Variants in TPRG1 observed in about 807,000 individuals in gnomAD.
TPRG1 encodes the protein tumor protein p63-regulated gene 1 protein.
TPRG1 carries 29 observed loss-of-function variants against 29.3 expected under a neutral mutation model. The observed-to-expected ratio is 0.99, with a 90% CI of 0.74 to 1.35. TPRG1 has a LOEUF of 1.35. Among genes scored for constraint, TPRG1 ranks in the 40% most tolerant of loss-of-function variants. TPRG1 has a pLI of 0.00. For synonymous variants in TPRG1, 130 were observed against 116.8 expected (o/e 1.11, Z -0.73); for missense variants, 327 against 335.0 (o/e 0.98, Z 0.19).
intron 4 of TPRG1, among the ~76,000 whole-genome samples, chr3:189,262,243 T>TAA (rs1299289500): frequency 5.3e-5 from 8 of 151,632 alleles, no homozygotes; most frequent in Non-Finnish European, 8.8e-5. Flanking sequence ...AGTATAAGTA[T>TAA]AAGTATAAGT....
At chr3:189,027,995 G>A (rs1377238091) in intron 4 of TPRG1, among the ~76,000 whole-genome samples, 1 of 151,962 alleles carries the variant, frequency 6.6e-6, no homozygotes, top group African/African-American at 2.4e-5. Context: ...CTTACAGTGT[G>A]CCATGTCCTA....
At chr3:189,004,372 GT>G (rs1296612027) in intron 2 of TPRG1, among the ~76,000 whole-genome samples, 1 of 152,128 alleles carries the variant, frequency 6.6e-6, no homozygotes, top group Non-Finnish European at 1.5e-5. Flanking sequence ...TTTCTAGTGT[GT>G]AGTTTTGAAA....
At chr3:189,316,131 A>T (rs1428654054) in intron 5 of TPRG1, among the ~76,000 whole-genome samples, 2 of 152,184 alleles carry the variant, frequency 1.3e-5, no homozygotes, top group Non-Finnish European at 2.9e-5. Context: ...ATATGTGCAT[A>T]TGTTCAGAGA....
At chr3:189,269,042 C>T (rs1444996674) in intron 4 of TPRG1, among the ~76,000 whole-genome samples, 3 of 151,774 alleles carry the variant, frequency 2.0e-5, no homozygotes, top group African/African-American at 7.3e-5. Context: ...AAATTTCTAA[C>T]TCTTTGGGCA....
chr3:189,301,159 C>T lies in TPRG1; in HGVS notation c.480-9227C>T, dbSNP rs531885469. ...AAAAATACAAAAAAAATTAGCCAGA[C>T]GTGGTGTCACACGCCTGTAGTCCCA... On this transcript the variant is annotated intron_variant, in intron 4 of 5. Coordinates refer to ENST00000345063, the MANE Select transcript of TPRG1 (RefSeq NM_198485.4). Among the ~76,000 whole-genome samples the T allele has an allele frequency of 2.6e-3, 400 of 151,826 alleles. 5 individuals carry two copies. The highest frequency in any genetic ancestry group is 2.5e-3 in the Non-Finnish European group (168 of 67,918).
intron 1 of TPRG1, among the ~76,000 whole-genome samples, chr3:189,124,931 A>G (rs969272427): frequency 6.6e-6 from 1 of 151,706 alleles, no homozygotes; most frequent in African/African-American, 2.4e-5. Flanking sequence ...TTGAAAGTTA[A>G]ATAAACTTTT....
At chr3:189,109,022 C>CA (rs1720162334) in intron 1 of TPRG1, among the ~76,000 whole-genome samples, 1 of 151,942 alleles carries the variant, frequency 6.6e-6, no homozygotes, top group African/African-American at 2.4e-5. Context: ...CCTAAGCCCT[C>CA]AGGGGAACTT....
At chr3:189,043,303 A>C (rs1399212882) in intron 4 of TPRG1, among the ~76,000 whole-genome samples, 1 of 152,194 alleles carries the variant, frequency 6.6e-6, no homozygotes, top group East Asian at 1.9e-4. Context: ...GTACGGTTTA[A>C]AGGGTATTGC....
chr3:189,246,113 G>A (rs531980745), intron 4 of TPRG1, among the ~76,000 whole-genome samples: 2 of 152,130 alleles, frequency 1.3e-5, no homozygotes, highest in African/African-American at 4.8e-5. Context: ...TAGAATCATG[G>A]GGGTAGATTT....
chr3:189,150,703 A>C (rs1725836748), exon 5 of TPRG1: 1 of 152,192 alleles, frequency 6.6e-6, no homozygotes, highest in African/African-American at 2.4e-5. Flanking sequence ...GACCTCAGTG[A>C]AGTTTCTCCG....
chr3:189,195,043 T>C (rs1166152284), intron 1 of TPRG1, among the ~76,000 whole-genome samples: 2 of 152,132 alleles, frequency 1.3e-5, no homozygotes, highest in African/African-American at 4.8e-5. Context: ...TGGGGTACTA[T>C]GTAAGCCCAA....
intron 4 of TPRG1, among the ~76,000 whole-genome samples, chr3:189,301,707 T>A (rs1316980202): frequency 6.6e-6 from 1 of 152,180 alleles, no homozygotes; most frequent in African/African-American, 2.4e-5. Flanking sequence ...ACTCTTGGCC[T>A]GGAGACCAAG....
intron 3 of TPRG1, among the ~76,000 whole-genome samples, chr3:189,141,886 T>C (rs1560482326): frequency 6.6e-6 from 1 of 152,204 alleles, no homozygotes; most frequent in Admixed American, 6.5e-5. Flanking sequence ...GGGCCCTGAC[T>C]GGAGAAGTCA....
At chr3:189,247,762 A>C (rs1220125673) in intron 4 of TPRG1, among the ~76,000 whole-genome samples, 3 of 151,916 alleles carry the variant, frequency 2.0e-5, no homozygotes, top group Non-Finnish European at 4.4e-5. Context: ...AGATGATCAT[A>C]TATTTACTTT....
intron 3 of TPRG1, among the ~76,000 whole-genome samples, chr3:189,237,752 A>G (rs1335251296): frequency 6.6e-6 from 1 of 152,190 alleles, no homozygotes; most frequent in African/African-American, 2.4e-5. Context: ...TGTGTGGAGA[A>G]TGGTGAGAAT....
chr3:189,115,172 G>A (rs973532991), intron 1 of TPRG1, among the ~76,000 whole-genome samples: 1 of 152,214 alleles, frequency 6.6e-6, no homozygotes, highest in Admixed American at 6.5e-5. Flanking sequence ...TGAGAAGGAA[G>A]AAGGCATTTT....
rs528518502 is a variant in TPRG1 at position 189,033,079 on chromosome 3, T to C, written c.-463+9133T>C. ...ATAATGTCTCTTTAGGAAATCTCTT[T>C]AGGAAATGTATTTCAAAAATCACAC... is the stretch of plus-strand genomic sequence containing the variant. On this transcript the variant is annotated intron_variant, in intron 4 of 10. Coordinates refer to the TPRG1 transcript ENST00000433971. 3.3e-5 allele frequency among the ~76,000 whole-genome samples: 5 copies of C among 152,246 alleles called. No homozygotes were observed. In the East Asian group the frequency reaches 7.7e-4, roughly 24 times the overall value.
At chr3:189,085,486 C>T (rs1003556751) in intron 4 of TPRG1, among the ~76,000 whole-genome samples, 1 of 140,398 alleles carries the variant, frequency 7.1e-6, no homozygotes, top group East Asian at 2.0e-4. Flanking sequence ...TTATGGAGTT[C>T]CAGTAGCTGA....
chr3:189,275,543 G>A (rs1309149376), intron 4 of TPRG1, among the ~76,000 whole-genome samples: 1 of 152,120 alleles, frequency 6.6e-6, no homozygotes, highest in Admixed American at 6.5e-5. Context: ...AGAGGGAAAG[G>A]CTATTCCAGG....
Sources: allele counts gnomAD v4.1 joint callset (sites outside exome capture counted in the v4.1 genomes callset), GRCh38; gene constraint gnomAD v4.1.1; transcripts MANE v1.5; gene names NCBI Gene and HGNC (gene_info 2026-07-23, HGNC 2026-07-21).